Variants in RTKN observed in about 807,000 individuals in gnomAD.
RTKN encodes the protein rhotekin.
Under a neutral mutation model 63.5 loss-of-function variants are expected in RTKN, and 49 were observed. The ratio of observed to expected loss-of-function variants is 0.77; its 90% CI spans 0.61 to 0.98. The LOEUF is 0.98. Among genes scored for constraint, RTKN ranks in the 50% least tolerant of loss-of-function variants. The pLI, the probability that RTKN is intolerant of heterozygous loss-of-function variation, is 0.00. For missense variants in RTKN, 685 were observed against 740.8 expected (o/e 0.92, Z 0.87); for synonymous variants, 295 against 290.4 (o/e 1.02, Z -0.16).
In RTKN at chr2:74,426,220, TC is replaced by T; in HGVS notation, c.*22del. The T allele has an allele frequency of 6.2e-7, 1 of 1,605,018 alleles. No homozygotes were observed. The highest frequency in any genetic ancestry group is 8.5e-7 in the Non-Finnish European group (1 of 1,172,210). On this transcript the variant is annotated 3_prime_UTR_variant, in exon 12 of 12. Transcript: ENST00000272430. ...TGGGTCATTTTCTCTTCTGGGCAGA[TC>T]CTATGCCAGCACCTTTCTCTCTCAC...
rs375713373 is a variant in RTKN at position 74,435,349 on chromosome 2, G to A, written c.112-2683C>T. Among the ~76,000 whole-genome samples the A allele has an allele frequency of 2.6e-5, 4 of 152,340 alleles. No homozygotes were observed. In the South Asian group the frequency reaches 8.3e-4, roughly 32 times the overall value. On this transcript the variant is annotated intron_variant, in intron 1 of 11. Coordinates refer to ENST00000272430, the MANE Select transcript of RTKN (RefSeq NM_001015055.2). ...AGTCCTAGGGCTGTGAGAATTCTGT[G>A]AGGCAGGAACTTAAAGCACTTAGCA...
At chr2:74,431,455 C>T (rs1270088469) in intron 2 of RTKN, among the ~76,000 whole-genome samples, 3 of 152,164 alleles carry the variant, frequency 2.0e-5, no homozygotes, top group African/African-American at 7.2e-5. Context: ...TAATTACTGA[C>T]TTAGTAGAGC....
chr2:74,441,854 C>T lies in RTKN; in HGVS notation c.-38G>A, dbSNP rs755075400. The T allele has an allele frequency of 1.5e-6, 2 of 1,330,032 alleles. No homozygotes were observed. The highest frequency in any genetic ancestry group is 1.9e-5 in the Admixed American group (1 of 52,746). 82.4% of individuals were successfully genotyped at this position (1,330,032 alleles called of 1,614,324 possible). ...GCGACTTTGCCTGCTCAGTGCGCTCCCCGCGCCGCCCGGCTTAGCCTCCTC... is the reference window on the plus strand; with the variant it reads ...GCGACTTTGCCTGCTCAGTGCGCTCTCCGCGCCGCCCGGCTTAGCCTCCTC... On this transcript the variant is annotated 5_prime_UTR_variant, in exon 1 of 12. Coordinates refer to ENST00000272430, the MANE Select transcript of RTKN (RefSeq NM_001015055.2).
Position 74,434,874 on chromosome 2 carries a change from C to T in RTKN, c.112-2208G>A, listed in dbSNP as rs1670969932. 2.0e-5 allele frequency among the ~76,000 whole-genome samples: 3 copies of T among 152,116 alleles called. No individual in the cohort carries two copies. In the South Asian group the frequency reaches 6.2e-4, roughly 31 times the overall value. ...GCATATGTACTTTTGGAAAACTCCCCAAGTGATTCTGAGGTACACCCAGGT... is the reference window on the plus strand; with the variant it reads ...GCATATGTACTTTTGGAAAACTCCCTAAGTGATTCTGAGGTACACCCAGGT... On this transcript the variant is annotated intron_variant, in intron 1 of 11. Transcript: ENST00000272430.
In RTKN at chr2:74,441,784, G is replaced by C; in HGVS notation, c.33C>G (p.Thr11=). 1 of 1,611,712 alleles carries C rather than the reference G, an allele frequency of 6.2e-7. No homozygotes were observed. Among genetic ancestry groups the C allele is most frequent in the Non-Finnish European group, 8.5e-7 (1 of 1,179,532 alleles). The change falls in exon 1 of 12, where the codon ACC becomes ACG. Residue 11 remains threonine (T), a synonymous_variant. Transcript: ENST00000272430. MFSRNHRSRV[T]VARGSALEME... ...TCTCCAGGGCGGAGCCCCTGGCCAC[G>C]GTGACCCGGCTCCGGTGGTTTCGGG...
chr2:74,434,223 C>G (rs1670929172), intron 1 of RTKN, among the ~76,000 whole-genome samples: 1 of 151,438 alleles, frequency 6.6e-6, no homozygotes, highest in Admixed American at 6.6e-5. Flanking sequence ...GTGCCTCAGC[C>G]TCCTGAGTAG....
chr2:74,427,744 CA>C, intron 9 of RTKN, 152 bp from the exon 10 acceptor site: 2 of 739,706 alleles, frequency 2.7e-6, no homozygotes, highest in East Asian at 2.7e-5. Context: ...GAAGGAATGG[CA>C]AAAAAGGGCT....
chr2:74,428,230 T>C, intron 9 of RTKN, 38 bp downstream of exon 9: 1 of 1,613,902 alleles, frequency 6.2e-7, no homozygotes, highest in Non-Finnish European at 8.5e-7. Context: ...CTCCTGGGCC[T>C]GTGCCCTTGG....
rs1670446899 is a variant in RTKN, at chr2:74,427,235, C to G, written c.1294G>C (p.Glu432Gln). 1 of 1,614,056 alleles carries G rather than the reference C, an allele frequency of 6.2e-7. No homozygotes were observed. Among genetic ancestry groups the G allele is most frequent in the African/African-American group, 1.3e-5 (1 of 74,914 alleles). Residue 432 changes from glutamate to glutamine, a missense_variant, in exon 11 of 12, where the codon GAA (glutamate) becomes CAA (glutamine). Transcript: ENST00000272430. The stretch of plus-strand genomic sequence containing the variant: ...GGTGGTTTCCGGGGAGCAGGAGTTT[C>G]AATTTTCATGATTTCATCACAGCAC... ...KQCCDEIMKI[E>Q]TPAPRKPPQA...
chr2:74,438,754 T>C (rs1671191534), intron 1 of RTKN, among the ~76,000 whole-genome samples: 1 of 152,230 alleles, frequency 6.6e-6, no homozygotes, highest in Non-Finnish European at 1.5e-5. Flanking sequence ...CTCCTGGGCT[T>C]AGCTCAAAGA....
At position 74,436,847 on chromosome 2, in the gene RTKN, TC is replaced by T. The variant is rs1332897192; in HGVS notation, c.112-4182del. 6.6e-6 allele frequency among the ~76,000 whole-genome samples: 1 copy of T among 152,124 alleles called. No homozygotes were observed. Among genetic ancestry groups the T allele is most frequent in the Non-Finnish European group, 1.5e-5 (1 of 68,020 alleles). ...TCTGGACCCTTGTGCTTCTAGCGTTTCCCCAACCCAGGGATAGTTCCTTGTT... is the reference window on the plus strand; with the variant it reads ...TCTGGACCCTTGTGCTTCTAGCGTTTCCCAACCCAGGGATAGTTCCTTGTT... On this transcript the variant is annotated intron_variant, in intron 1 of 11. Coordinates refer to ENST00000272430, the MANE Select transcript of RTKN (RefSeq NM_001015055.2). This position sits in a 1 kb window ranked among gnomAD's most constrained non-coding sequence, Gnocchi z 4.3.
rs980491340 is a variant in RTKN at position 74,429,750 on chromosome 2, C to T, written c.755+78G>A. 1.0e-5 allele frequency: 14 copies of T among 1,373,708 alleles called. No homozygotes were observed. The African/African-American group carries it at 1.9e-4, about 18-fold the overall frequency. 85.1% of individuals were successfully genotyped at this position (1,373,708 alleles called of 1,614,324 possible). ...TGGCAGCAATGCAAAATGGGTTCTG[C>T]ACACTCAACACAGTTCAAAGGTCAC... On this transcript the variant is annotated intron_variant, in intron 6 of 11. Transcript: ENST00000272430.
chr2:74,428,671 C>A lies in RTKN; in HGVS notation c.917G>T (p.Cys306Phe), dbSNP rs750900527. The change falls in exon 8 of 12, where the codon TGC becomes TTC. Residue 306 changes from cysteine (C) to phenylalanine (F), a missense_variant. By Grantham distance (205) the Cys-to-Phe change is radical (BLOSUM62 -2). Transcript: ENST00000272430. Reference protein sequence around the residue: ...VCCRLAAQPLCMTQPTASGTL... With the variant: ...VCCRLAAQPLFMTQPTASGTL... ...ACCACTTGCAGTGGGCTGAGTCATG[C>A]AGAGAGGCTGAGCTGCCAGACGGCA... The A allele has an allele frequency of 4.3e-6, 7 of 1,613,864 alleles. No homozygotes were observed. The highest frequency in any genetic ancestry group is 5.1e-6 in the Non-Finnish European group (6 of 1,179,966).
intron 9 of RTKN, 73 bp from the exon 10 acceptor site, chr2:74,427,665 T>C (rs889415753): frequency 6.7e-7 from 1 of 1,489,378 alleles, no homozygotes; most frequent in African/African-American, 1.4e-5. Flanking sequence ...TGATCACGCC[T>C]GCCTTAGAAG....
intron 6 of RTKN, among the ~76,000 whole-genome samples, 165 bp from the exon 7 acceptor site, chr2:74,429,107 C>G (rs1670593422): frequency 6.6e-6 from 1 of 152,200 alleles, no homozygotes; most frequent in South Asian, 2.1e-4. Flanking sequence ...AGCTAAGTGT[C>G]AGGACGTATG....
Position 74,428,337 on chromosome 2 carries a change from G to A in RTKN, c.1017C>T (p.Leu339=). The A allele has an allele frequency of 6.2e-7, 1 of 1,614,190 alleles. No homozygotes were observed. Among genetic ancestry groups the A allele is most frequent in the Non-Finnish European group, 8.5e-7 (1 of 1,180,028 alleles). Residue 339 remains leucine, a synonymous_variant, in exon 9 of 12, where the codon CTC becomes CTT. Coordinates refer to ENST00000272430, the MANE Select transcript of RTKN (RefSeq NM_001015055.2). ...CATCCTCAGGTTGCCGGTAACAGAA[G>A]AGGTTTGTGCCTTTCAGAACTCCAT... ...QVHGVLKGTN[L]FCYRQPEDAD...
chr2:74,435,906 G>C (rs1389444433), intron 1 of RTKN, among the ~76,000 whole-genome samples: 1 of 152,156 alleles, frequency 6.6e-6, no homozygotes. Context: ...CACTGTGCTA[G>C]GCCGGACTTT....
Position 74,440,544 on chromosome 2 carries a change from C to A in RTKN, c.111+1162G>T, listed in dbSNP as rs1411161022. 6.1e-6 allele frequency: 6 copies of A among 986,038 alleles called. No individual in the cohort carries two copies. In the East Asian group the frequency reaches 6.8e-4, roughly 112 times the overall value. The allele number at this position is 986,038 out of a possible 1,614,324, so 61.1% of individuals were successfully genotyped here. Reference sequence around the variant, plus strand: ...GAGTCACACTTCACTCGGCGGCCGCCAGGCCCTGCGGCTCCGCCCCAGCTC... The same window carrying A: ...GAGTCACACTTCACTCGGCGGCCGCAAGGCCCTGCGGCTCCGCCCCAGCTC... On this transcript the variant is annotated intron_variant, in intron 1 of 11. Coordinates refer to ENST00000272430, the MANE Select transcript of RTKN (RefSeq NM_001015055.2).
In RTKN at chr2:74,429,911, G is replaced by A. The variant is rs1173319158; in HGVS notation, c.672C>T (p.Ser224=). The A allele has an allele frequency of 1.9e-6, 3 of 1,614,228 alleles. No homozygotes were observed. In the Admixed American group the frequency reaches 5.0e-5, roughly 27 times the overall value. The change falls in exon 6 of 12, where the codon TCC becomes TCT. Residue 224 remains serine, a synonymous_variant. Coordinates refer to ENST00000272430, the MANE Select transcript of RTKN (RefSeq NM_001015055.2). The part of the protein sequence containing the change: ...ATKLSSSLGR[S]SGRRVRASLD... ...GCGATGCCCGGACACGCCTCCCTGA[G>A]GAGCGGCCCAGGGAGCTGCTGAGTT...
Sources: allele counts gnomAD v4.1 joint callset (sites outside exome capture counted in the v4.1 genomes callset), GRCh38; gene constraint gnomAD v4.1.1; non-coding constraint Gnocchi (gnomAD v3.1); transcripts MANE v1.5; gene names NCBI Gene and HGNC (gene_info 2026-07-23, HGNC 2026-07-21).